Variants in PTPRT observed in about 807,000 individuals in gnomAD.
The protein encoded by PTPRT is protein tyrosine phosphatase receptor type T.
Under a neutral mutation model 176.8 loss-of-function variants are expected in PTPRT, and 56 were observed. The ratio of observed to expected loss-of-function variants is 0.32; its 90% CI spans 0.26 to 0.40. The LOEUF (loss-of-function observed/expected upper bound fraction) is 0.40, where lower values mean the gene tolerates loss of function less well. Ranked by LOEUF, PTPRT falls within the 10% of genes least tolerant of loss-of-function variation. PTPRT has a pLI of 1.00. For synonymous variants in PTPRT, 783 were observed against 739.0 expected (o/e 1.06, Z -0.96); for missense variants, 1,540 against 1,908.2 (o/e 0.81, Z 3.60).
At chr20:43,014,595 G>A (rs1985288908) in intron 1 of PTPRT, among the ~76,000 whole-genome samples, 1 of 151,844 alleles carries the variant, frequency 6.6e-6, no homozygotes, top group African/African-American at 2.4e-5. Flanking sequence ...GAGTTTCAGG[G>A]GGTTATTTAT....
intron 1 of PTPRT, among the ~76,000 whole-genome samples, chr20:43,135,465 T>C (rs1196417288): frequency 2.0e-5 from 3 of 152,230 alleles, no homozygotes. Flanking sequence ...AGAAGAGAGA[T>C]GAGTCAAAAT....
chr20:42,477,390 T>C (rs1399632347), intron 7 of PTPRT, among the ~76,000 whole-genome samples: 1 of 151,636 alleles, frequency 6.6e-6, no homozygotes, highest in Non-Finnish European at 1.5e-5. Context: ...TATATATATA[T>C]ATATTTTTTT....
Position 42,920,214 on chromosome 20 carries a change from T to C in PTPRT, c.89-34282A>G, listed in dbSNP as rs571544596. ...TGTGGGAGATCCTTGCCACGGAATA[T>C]TACCCAGCATGAACTATTAATATAC... is the stretch of plus-strand genomic sequence containing the variant. On this transcript the variant is annotated intron_variant, in intron 1 of 30. Coordinates refer to ENST00000373187, the MANE Select transcript of PTPRT (RefSeq NM_007050.6). Among the ~76,000 whole-genome samples the C allele has an allele frequency of 1.4e-4, 21 of 152,306 alleles. No individual in the cohort carries two copies. The South Asian group carries it at 4.3e-3, about 32-fold the overall frequency.
chr20:42,813,655 C>A (rs1371745879), intron 2 of PTPRT, among the ~76,000 whole-genome samples: 1 of 151,956 alleles, frequency 6.6e-6, no homozygotes, highest in African/African-American at 2.4e-5. Context: ...GTTTGTTTTC[C>A]CCTTGAAGTT....
chr20:42,290,198 T>G (rs2057295988), intron 12 of PTPRT, among the ~76,000 whole-genome samples: 3 of 152,130 alleles, frequency 2.0e-5, no homozygotes, highest in Admixed American at 2.0e-4. Flanking sequence ...CTGTATTTTC[T>G]ATTTGATCTC....
intron 9 of PTPRT, among the ~76,000 whole-genome samples, chr20:42,377,399 A>G (rs551876676): frequency 1.3e-5 from 2 of 152,288 alleles, no homozygotes; most frequent in South Asian, 2.1e-4. Context: ...ATTGCCCCTG[A>G]TTGCACTCCC....
At chr20:43,027,773 T>A (rs1418211282) in intron 1 of PTPRT, among the ~76,000 whole-genome samples, 1 of 152,164 alleles carries the variant, frequency 6.6e-6, no homozygotes, top group African/African-American at 2.4e-5. Flanking sequence ...CATAAATGAA[T>A]ACACTACCTA....
intron 3 of PTPRT, among the ~76,000 whole-genome samples, chr20:42,787,093 T>C (rs965619231): frequency 6.6e-6 from 1 of 152,218 alleles, no homozygotes; most frequent in Admixed American, 6.5e-5. Flanking sequence ...GCAATAGAAA[T>C]TGTATGGCTT....
intron 15 of PTPRT, among the ~76,000 whole-genome samples, chr20:42,218,854 A>T (rs942953067): frequency 1.3e-5 from 2 of 152,180 alleles, no homozygotes; most frequent in Non-Finnish European, 2.9e-5. Context: ...ACTGATCGGG[A>T]TGTCAAAATG....
At position 42,480,566 on chromosome 20, in the gene PTPRT, G is replaced by A. The variant is rs62204933; in HGVS notation, c.1154-8004C>T. Reference sequence around the variant, plus strand: ...CCAGGCATTAGGGATGTAGGTGAATGGGACACTTGCTTGCCTTTGTGAAAC... The same window carrying A: ...CCAGGCATTAGGGATGTAGGTGAATAGGACACTTGCTTGCCTTTGTGAAAC... On this transcript the variant is annotated intron_variant, in intron 7 of 30. Transcript: ENST00000373187. 7.8e-3 allele frequency among the ~76,000 whole-genome samples: 1,191 copies of A among 152,274 alleles called. 11 individuals are homozygous for A. Among genetic ancestry groups the A allele is most frequent in the Middle Eastern group, 0.014 (4 of 294 alleles).
intron 6 of PTPRT, among the ~76,000 whole-genome samples, chr20:42,707,012 A>T (rs2076070221): frequency 6.6e-6 from 1 of 152,180 alleles, no homozygotes; most frequent in African/African-American, 2.4e-5. Flanking sequence ...AATCTACAAG[A>T]CGAGGATGCC....
chr20:42,875,600 G>T (rs2078916910), intron 2 of PTPRT, among the ~76,000 whole-genome samples: 1 of 152,158 alleles, frequency 6.6e-6, no homozygotes, highest in African/African-American at 2.4e-5. Flanking sequence ...TATCTCTTAG[G>T]TGTTAGTTGA....
At chr20:42,640,537 C>A (rs2074719252) in intron 7 of PTPRT, among the ~76,000 whole-genome samples, 1 of 151,964 alleles carries the variant, frequency 6.6e-6, no homozygotes, top group Non-Finnish European at 1.5e-5. Context: ...TAGAGGTGTG[C>A]ATTACCATGC....
At position 43,117,839 on chromosome 20, in the gene PTPRT, C is replaced by T. The variant is rs115973870; in HGVS notation, c.88+71807G>A. Among the ~76,000 whole-genome samples the T allele has an allele frequency of 6.1e-3, 930 of 152,272 alleles. 10 individuals carry two copies. The highest frequency in any genetic ancestry group is 0.021 in the African/African-American group (883 of 41,560). ...TCGCTCTCATTTAAGGTCAACCTCA[C>T]TTTTTCCCAGGGAAGTCTAAAAAGA... On this transcript the variant is annotated intron_variant, in intron 1 of 30. Transcript: ENST00000373187.
At chr20:42,361,392 G>A (rs1398374075) in intron 9 of PTPRT, among the ~76,000 whole-genome samples, 2 of 152,252 alleles carry the variant, frequency 1.3e-5, no homozygotes, top group Admixed American at 6.5e-5. Flanking sequence ...TCATTAAAAG[G>A]TGGTGTTTAT....
At chr20:43,083,369 T>A (rs181570309) in intron 1 of PTPRT, among the ~76,000 whole-genome samples, 1,292 of 110,134 alleles carry the variant, frequency 0.012, 53 homozygotes, top group East Asian at 0.044. Flanking sequence ...TATATATATA[T>A]ACATTTTTTG....
At chr20:42,055,408 C>A in the PTPRT span, among the ~76,000 whole-genome samples, 1 of 152,158 alleles carries the variant, frequency 6.6e-6, no homozygotes, top group South Asian at 2.1e-4. Flanking sequence ...CAATTCGGGT[C>A]TAGGTTTCAA....
chr20:42,502,583 A>G (rs2071771694), intron 7 of PTPRT, among the ~76,000 whole-genome samples: 1 of 152,084 alleles, frequency 6.6e-6, no homozygotes, highest in Admixed American at 6.6e-5. Context: ...GACAACAGTT[A>G]TCCATATTGG....
In PTPRT at chr20:42,690,863, C is replaced by T. The variant is rs779108043; in HGVS notation, c.860-12704G>A. 2.2e-4 allele frequency among the ~76,000 whole-genome samples: 33 copies of T among 152,248 alleles called. 1 individual carries two copies. Among genetic ancestry groups the T allele is most frequent in the Admixed American group, 1.7e-3 (26 of 15,284 alleles). Reference sequence around the variant, plus strand: ...TGTAAAATCAGGGTCATGGTCATACCTCACTGGGTCCTTGTGAAGATCAAG... The same window carrying T: ...TGTAAAATCAGGGTCATGGTCATACTTCACTGGGTCCTTGTGAAGATCAAG... On this transcript the variant is annotated intron_variant, in intron 6 of 30. Transcript: ENST00000373187.
Sources: gnomAD v4.1 joint callset for allele counts (sites outside exome capture counted in the v4.1 genomes callset) on GRCh38, gnomAD v4.1.1 for gene constraint, MANE v1.5 for transcripts, NCBI Gene and HGNC (gene_info 2026-07-23, HGNC 2026-07-21) for gene names.